Variants in KLHL1 observed in about 807,000 individuals in gnomAD.
KLHL1 encodes kelch like family member 1.
In KLHL1, 47 loss-of-function variants were observed where a neutral mutation model predicts 77.7. The observed-to-expected ratio is 0.60, with a 90% CI of 0.48 to 0.77. The LOEUF (loss-of-function observed/expected upper bound fraction) is 0.77. Among genes scored for constraint, KLHL1 ranks in the 30% least tolerant of loss-of-function variants. KLHL1 has a pLI of 0.00. For missense variants in KLHL1, 925 were observed against 910.8 expected (o/e 1.02, Z -0.20); for synonymous variants, 360 against 325.2 (o/e 1.11, Z -1.15).
intron 5 of KLHL1, among the ~76,000 whole-genome samples, chr13:69,857,728 G>A (rs892644004): frequency 4.5e-4 from 68 of 151,950 alleles, no homozygotes; most frequent in Non-Finnish European, 8.7e-4. Context: ...TAACTATGCA[G>A]TAGAAAAATA....
intron 7 of KLHL1, among the ~76,000 whole-genome samples, chr13:69,784,784 A>T (rs1174086466): frequency 1.3e-5 from 2 of 151,762 alleles, no homozygotes; most frequent in African/African-American, 4.8e-5. Context: ...AACGAGACAG[A>T]AAGTTAACAA....
At chr13:69,852,408 G>C (rs1243027314) in intron 5 of KLHL1, among the ~76,000 whole-genome samples, 1 of 151,948 alleles carries the variant, frequency 6.6e-6, no homozygotes, top group Non-Finnish European at 1.5e-5. Flanking sequence ...CAATTGAAGA[G>C]ACAACATTCA....
chr13:69,855,869 A>G (rs1437809773), intron 5 of KLHL1, among the ~76,000 whole-genome samples: 1 of 145,194 alleles, frequency 6.9e-6, no homozygotes, highest in Non-Finnish European at 1.5e-5. Flanking sequence ...AATATATTAT[A>G]TATTATATAT....
intron 1 of KLHL1, among the ~76,000 whole-genome samples, chr13:70,073,122 G>A (rs1027181920): frequency 3.3e-5 from 5 of 152,094 alleles, no homozygotes; most frequent in Non-Finnish European, 7.3e-5. Context: ...TATGTTTATT[G>A]CAGCACTATT....
chr13:70,066,905 T>C (rs1258016859), intron 1 of KLHL1, among the ~76,000 whole-genome samples: 1 of 152,244 alleles, frequency 6.6e-6, no homozygotes, highest in Admixed American at 6.5e-5. Flanking sequence ...TTTGCCTATC[T>C]AGACATATTC....
At chr13:69,998,090 C>T (rs1885202053) in intron 1 of KLHL1, among the ~76,000 whole-genome samples, 1 of 151,944 alleles carries the variant, frequency 6.6e-6, no homozygotes, top group South Asian at 2.1e-4. Context: ...TTTGATAGGT[C>T]CTTTACTGAA....
chr13:69,847,917 G>A (rs954025783), intron 5 of KLHL1, among the ~76,000 whole-genome samples: 1 of 151,466 alleles, frequency 6.6e-6, no homozygotes, highest in Non-Finnish European at 1.5e-5. Context: ...TTATTTCAAT[G>A]TCTTATAAAT....
intron 6 of KLHL1, among the ~76,000 whole-genome samples, chr13:69,814,775 G>C (rs1878047740): frequency 6.6e-6 from 1 of 152,148 alleles, no homozygotes; most frequent in Non-Finnish European, 1.5e-5. Context: ...CAATTTGGGA[G>C]GCTAAGGCAG....
At position 69,882,323 on chromosome 13, in the gene KLHL1, A is replaced by G; in HGVS notation, c.1187T>C (p.Met396Thr). 1.2e-6 allele frequency: 2 copies of G among 1,614,052 alleles called. No individual in the cohort carries two copies. The highest frequency in any genetic ancestry group is 2.2e-5 in the South Asian group (2 of 91,082). The change falls in exon 5 of 11, where the codon ATG becomes ACG. Residue 396 changes from methionine (M) to threonine (T), a missense_variant. Physicochemically the swap from Met to Thr is moderately conservative, Grantham distance 81. Coordinates refer to ENST00000377844, the MANE Select transcript of KLHL1 (RefSeq NM_020866.3). ...DMQSRCNDLS[M>T]LLAFIRLPLL... The stretch of plus-strand genomic sequence containing the variant: ...TGGCAGTCTTATAAAGGCAAGAAGC[A>G]TGCTCAGGTCATTGCATCTACTCTG...
chr13:69,787,546 C>T (rs2138019367), intron 7 of KLHL1, among the ~76,000 whole-genome samples: 1 of 152,242 alleles, frequency 6.6e-6, no homozygotes, highest in East Asian at 1.9e-4. Flanking sequence ...AGACCTAAAA[C>T]CATAAAAACC....
At chr13:70,014,798 T>A (rs1885618318) in intron 1 of KLHL1, among the ~76,000 whole-genome samples, 1 of 152,110 alleles carries the variant, frequency 6.6e-6, no homozygotes, top group Non-Finnish European at 1.5e-5. Context: ...CTTAAACAGA[T>A]AAACAGACGC....
intron 1 of KLHL1, among the ~76,000 whole-genome samples, chr13:70,064,828 C>T (rs1399721891): frequency 6.6e-6 from 1 of 152,192 alleles, no homozygotes; most frequent in African/African-American, 2.4e-5. Context: ...CTCCTTGGCA[C>T]AGTTGCCTGG....
Position 69,961,366 on chromosome 13 carries a change from G to T in KLHL1, c.759C>A (p.Ile253=), listed in dbSNP as rs1039637321. 1 of 1,612,998 alleles carries T rather than the reference G, an allele frequency of 6.2e-7. No individual in the cohort carries two copies. The highest frequency in any genetic ancestry group is 8.5e-7 in the Non-Finnish European group (1 of 1,179,424). ...SDVCEAKQEE[I]KMEGIDPNAL... is the part of the protein sequence containing the mutation. ...CATTGGGGTCTATGCCTTCCATTTT[G>T]ATCTCCTCTTGCTTGGCTTCACAAA... The change falls in exon 3 of 11, where the codon ATC becomes ATA. Residue 253 remains isoleucine, a synonymous_variant. Coordinates refer to ENST00000377844, the MANE Select transcript of KLHL1 (RefSeq NM_020866.3).
chr13:70,103,273 C>A (rs1253133595), intron 1 of KLHL1, among the ~76,000 whole-genome samples: 1 of 152,048 alleles, frequency 6.6e-6, no homozygotes, highest in Non-Finnish European at 1.5e-5. Context: ...GTCTGGAAAA[C>A]AGAGGGTAAG....
chr13:70,044,959 T>G (rs1361438287), intron 1 of KLHL1, among the ~76,000 whole-genome samples: 1 of 152,206 alleles, frequency 6.6e-6, no homozygotes, highest in Non-Finnish European at 1.5e-5. Context: ...GAAAGTCATT[T>G]AACCTTCTAT....
chr13:69,862,855 C>A (rs76829342), intron 5 of KLHL1, among the ~76,000 whole-genome samples: 224 of 152,200 alleles, frequency 1.5e-3, no homozygotes, highest in Non-Finnish European at 2.0e-3. Context: ...TTGCAGGCAC[C>A]TTGATCTTGG....
chr13:69,938,320 T>C (rs977742320), intron 4 of KLHL1, among the ~76,000 whole-genome samples: 45 of 152,168 alleles, frequency 3.0e-4, no homozygotes, highest in African/African-American at 1.1e-3. Flanking sequence ...AGATATTATA[T>C]ATCACAGTCT....
chr13:69,921,978 G>A (rs1882655672), intron 4 of KLHL1, among the ~76,000 whole-genome samples: 1 of 149,880 alleles, frequency 6.7e-6, no homozygotes. Context: ...ACCCAGGCTG[G>A]AGTGCAGTGG....
intron 1 of KLHL1, among the ~76,000 whole-genome samples, chr13:70,078,614 T>C (rs2137427263): frequency 6.6e-6 from 1 of 152,242 alleles, no homozygotes; most frequent in East Asian, 1.9e-4. Context: ...TAAAGGTCAA[T>C]TAACATTTGA....
Sources: gnomAD v4.1 joint callset for allele counts (sites outside exome capture counted in the v4.1 genomes callset) on GRCh38, gnomAD v4.1.1 for gene constraint, MANE v1.5 for transcripts, NCBI Gene and HGNC (gene_info 2026-07-23, HGNC 2026-07-21) for gene names.